Variants in EGFLAM observed in about 807,000 individuals in gnomAD.
The protein encoded by EGFLAM is pikachurin.
In EGFLAM, 79 loss-of-function variants were observed where a neutral mutation model predicts 113.1. The ratio of observed to expected loss-of-function variants is 0.70; its 90% confidence interval spans 0.58 to 0.84. The LOEUF (loss-of-function observed/expected upper bound fraction) is 0.84, where lower values mean the gene tolerates loss of function less well. Ranked by LOEUF, EGFLAM falls within the 40% of genes least tolerant of loss-of-function variation. EGFLAM has a pLI of 0.00. For synonymous variants in EGFLAM, 504 were observed against 487.6 expected (o/e 1.03, Z -0.44); for missense variants, 1,265 against 1,291.6 (o/e 0.98, Z 0.32).
At chr5:38,330,992 C>G (rs2589832) in intron 1 of EGFLAM, among the ~76,000 whole-genome samples, 57,010 of 151,944 alleles carry the variant, frequency 0.38, 14,411 homozygotes, top group African/African-American at 0.72. Context: ...AAAACTAAAA[C>G]CCGATTAAAT....
intron 1 of EGFLAM, among the ~76,000 whole-genome samples, chr5:38,307,100 G>C (rs1758739755): frequency 2.0e-5 from 3 of 152,156 alleles, no homozygotes; most frequent in Admixed American, 6.5e-5. Context: ...GTGGAGCTGA[G>C]ACAAATTGTT....
At chr5:38,309,668 A>T (rs1738363399) in intron 1 of EGFLAM, among the ~76,000 whole-genome samples, 1 of 152,146 alleles carries the variant, frequency 6.6e-6, no homozygotes, top group Non-Finnish European at 1.5e-5. Flanking sequence ...AGTCAAGAAC[A>T]CTGTGTTTGT....
At chr5:38,314,904 C>T (rs1458388950) in intron 1 of EGFLAM, among the ~76,000 whole-genome samples, 2 of 152,276 alleles carry the variant, frequency 1.3e-5, no homozygotes, top group Middle Eastern at 3.4e-3. Context: ...ACAGTGGGGA[C>T]AGTATGGAGC....
At chr5:38,393,711 G>T (rs184784090) in intron 6 of EGFLAM, among the ~76,000 whole-genome samples, 1 of 152,354 alleles carries the variant, frequency 6.6e-6, no homozygotes. Flanking sequence ...GCTGGCACTG[G>T]CTGGTCACTC....
chr5:38,393,090 T>A lies in EGFLAM; in HGVS notation c.713-13036T>A, dbSNP rs187941797. 1.5e-3 allele frequency among the ~76,000 whole-genome samples: 229 copies of A among 152,300 alleles called. 2 individuals are homozygous for A. The highest frequency in any genetic ancestry group is 5.3e-3 in the African/African-American group (221 of 41,554). ...TTGCTTTTCAATAGAAATTTTAGAA[T>A]CAGTTTTTCAATTCCATGAAAAATT... On this transcript the variant is annotated intron_variant, in intron 6 of 21. Coordinates refer to ENST00000322350, the MANE Select transcript of EGFLAM (RefSeq NM_152403.4).
At chr5:38,370,225 A>C in intron 5 of EGFLAM, 71 bp from the exon 6 acceptor site, 2 of 1,517,016 alleles carry the variant, frequency 1.3e-6, no homozygotes, top group Non-Finnish European at 9.0e-7. Flanking sequence ...ATTAGTTTAC[A>C]TAGCCAGCTA....
chr5:38,390,188 T>C (rs1388574635), intron 6 of EGFLAM, among the ~76,000 whole-genome samples: 1 of 152,218 alleles, frequency 6.6e-6, no homozygotes, highest in African/African-American at 2.4e-5. Flanking sequence ...CTTTTAATTC[T>C]TGTACCAACA....
intron 2 of EGFLAM, among the ~76,000 whole-genome samples, chr5:38,338,255 T>C (rs531911591): frequency 6.6e-6 from 1 of 151,372 alleles, no homozygotes; most frequent in East Asian, 1.9e-4. Context: ...TTAGCTGAAA[T>C]GTAAGACCCC....
intron 1 of EGFLAM, among the ~76,000 whole-genome samples, chr5:38,266,156 C>T (rs1757630902): frequency 1.3e-5 from 2 of 152,230 alleles, no homozygotes; most frequent in South Asian, 4.2e-4. Context: ...CCCCCCTTAC[C>T]TCCCTCACCC....
At chr5:38,385,178 A>G (rs2112072356) in intron 6 of EGFLAM, among the ~76,000 whole-genome samples, 1 of 152,110 alleles carries the variant, frequency 6.6e-6, no homozygotes, top group African/African-American at 2.4e-5. Context: ...TACCACTTAT[A>G]ATAAGTGTAT....
At chr5:38,345,479 A>C (rs564255824) in intron 3 of EGFLAM, 1 of 152,288 alleles carries the variant, frequency 6.6e-6, no homozygotes, top group East Asian at 1.9e-4. Flanking sequence ...TGCTCGCATA[A>C]AGCCACCAGC....
intron 1 of EGFLAM, among the ~76,000 whole-genome samples, chr5:38,325,248 C>G (rs1470041723): frequency 6.6e-6 from 1 of 152,126 alleles, no homozygotes; most frequent in Non-Finnish European, 1.5e-5. Flanking sequence ...TGACAAGATC[C>G]TCATTCAACA....
intron 14 of EGFLAM, among the ~76,000 whole-genome samples, chr5:38,428,848 G>T (rs957214859): frequency 2.6e-5 from 4 of 152,166 alleles, no homozygotes; most frequent in Admixed American, 6.5e-5. Flanking sequence ...CTGCCTGTCA[G>T]CAAAGGCAAC....
chr5:38,277,590 G>A (rs976514367), intron 1 of EGFLAM, among the ~76,000 whole-genome samples: 1 of 129,506 alleles, frequency 7.7e-6, no homozygotes, highest in African/African-American at 2.7e-5. Flanking sequence ...GAAATAAAAA[G>A]CTCTAAATGG....
intron 1 of EGFLAM, among the ~76,000 whole-genome samples, chr5:38,304,562 C>A (rs1758679633): frequency 6.6e-6 from 1 of 152,126 alleles, no homozygotes; most frequent in African/African-American, 2.4e-5. Flanking sequence ...ATGTGACCAG[C>A]CTAAGAAGAA....
intron 1 of EGFLAM, among the ~76,000 whole-genome samples, chr5:38,278,652 C>A (rs1053677843): frequency 6.6e-6 from 1 of 152,046 alleles, no homozygotes; most frequent in African/African-American, 2.4e-5. Context: ...CCACACCTGG[C>A]TAATTTTTGT....
chr5:38,403,731 G>A, intron 6 of EGFLAM: 1 of 1,511,372 alleles, frequency 6.6e-7, no homozygotes, highest in Non-Finnish European at 8.9e-7. Context: ...GTTGATCGAG[G>A]GTAAATGAAA....
chr5:38,397,693 A>G (rs1039991913), intron 6 of EGFLAM, among the ~76,000 whole-genome samples: 4 of 152,174 alleles, frequency 2.6e-5, no homozygotes, highest in Admixed American at 1.3e-4. Context: ...TATCACAAGC[A>G]CCTTCACTGC....
In EGFLAM at chr5:38,407,863, G is replaced by C. The variant is rs1488886321; in HGVS notation, c.1206G>C (p.Leu402=). Residue 402 remains leucine (L), a synonymous_variant, in exon 9 of 22, where the codon CTG becomes CTC. Transcript: ENST00000322350. ...FGHSYVTFEP[L]KNSYQAFQIT... Reference sequence around the variant, plus strand: ...ACTCCTATGTAACGTTTGAACCTCTGAAGAATTCTTATCAGGCATTTCAAA... The same window carrying C: ...ACTCCTATGTAACGTTTGAACCTCTCAAGAATTCTTATCAGGCATTTCAAA... 2 of 1,613,762 alleles carry C rather than the reference G, an allele frequency of 1.2e-6. No homozygotes were observed. The highest frequency in any genetic ancestry group is 1.7e-6 in the Non-Finnish European group (2 of 1,179,802).
Sources: gnomAD v4.1 joint callset for allele counts (sites outside exome capture counted in the v4.1 genomes callset) on GRCh38, gnomAD v4.1.1 for gene constraint, MANE v1.5 for transcripts, NCBI Gene and HGNC (gene_info 2026-07-23, HGNC 2026-07-21) for gene names.